The following NPHP4 variants were observed in gnomAD, a reference collection of about 807,000 sequenced individuals.
The protein encoded by NPHP4 is nephrocystin 4.
In NPHP4, 151 loss-of-function variants were observed where a neutral mutation model predicts 155.8. The observed-to-expected ratio is 0.97, with a 90% CI of 0.85 to 1.11. NPHP4 has a LOEUF of 1.11. Ranked by LOEUF, NPHP4 falls within the 50% of genes least tolerant of loss-of-function variation. The pLI is 0.00. For missense variants in NPHP4, 1,956 were observed against 1,925.7 expected (o/e 1.02, Z -0.29); for synonymous variants, 845 against 816.8 (o/e 1.03, Z -0.59).
At chr1:5,978,144 G>T in intron 3 of NPHP4, 126 bp downstream of exon 3, 1 of 843,652 alleles carries the variant, frequency 1.2e-6, no homozygotes, top group Non-Finnish European at 1.9e-6. Flanking sequence ...GTGCTGCCTG[G>T]ACCCACAAGT....
intron 16 of NPHP4, 86 bp downstream of exon 16, chr1:5,904,531 A>G (rs1469911029): frequency 4.8e-6 from 5 of 1,046,260 alleles, no homozygotes; most frequent in Admixed American, 2.6e-5. Context: ...AACTTTTCAT[A>G]GTACCACTTA....
chr1:5,952,604 ACCCACCC>A (rs1648350608), intron 7 of NPHP4, 89 bp downstream of exon 7: 1 of 17,506 alleles, frequency 5.7e-5, no homozygotes, highest in Non-Finnish European at 1.2e-4. Context: ...ACCCTGCCCC[ACCCACCC>A]CTACCCTGCC....
intron 12 of NPHP4, among the ~76,000 whole-genome samples, chr1:5,908,209 T>C (rs1645007531): frequency 6.6e-6 from 1 of 152,140 alleles, no homozygotes; most frequent in African/African-American, 2.4e-5. Context: ...TCAGACCCTA[T>C]ACGGTATCGT....
At chr1:5,887,094 A>C (rs1299837888) in intron 18 of NPHP4, 192 bp downstream of exon 18, 3 of 588,946 alleles carry the variant, frequency 5.1e-6, no homozygotes, top group Non-Finnish European at 9.0e-6. Flanking sequence ...GAAATTCAGA[A>C]TGCAAACAAC....
chr1:5,987,805 T>G (rs1655705492), intron 1 of NPHP4, among the ~76,000 whole-genome samples: 1 of 152,228 alleles, frequency 6.6e-6, no homozygotes, highest in Non-Finnish European at 1.5e-5. Flanking sequence ...GAAGAATGAC[T>G]GAGAGACAAA....
intron 27 of NPHP4, 119 bp from the exon 28 acceptor site, chr1:5,864,636 C>T (rs541214017): frequency 4.5e-5 from 44 of 975,664 alleles, no homozygotes; most frequent in Non-Finnish European, 6.3e-5. Context: ...GGTTCCGGGG[C>T]GGCCAAATCT....
Position 5,863,355 on chromosome 1 carries a change from C to A in NPHP4, c.4191G>T (p.Gln1397His), listed in dbSNP as rs754250483. 8 of 1,613,914 alleles carry A rather than the reference C, an allele frequency of 5.0e-6. No individual in the cohort carries two copies. In the East Asian group the frequency reaches 1.8e-4, roughly 36 times the overall value. ...TCAGGATCTCCTCCTCACCCACTCT[C>A]TGACTAGGCGCAAACTGCAAGCCGA... Reference protein sequence around the residue: ...YTIGLQFAPSQRVGEEEILIY... With the variant: ...YTIGLQFAPSHRVGEEEILIY... The change falls in exon 30 of 30, where the codon CAG (glutamine) becomes CAT (histidine). Residue 1397 changes from glutamine to histidine, a missense_variant. Gln to His is a conservative substitution (Grantham distance 24). Transcript: ENST00000378156.
chr1:5,863,076 G>C lies in NPHP4; in HGVS notation c.*189C>G. ...CCAGGCCTGCTGGGTGTCAGCAGCA[G>C]CTAAGCTGGATGCAGGTACTACAAA... On this transcript the variant is annotated 3_prime_UTR_variant, in exon 30 of 30. Coordinates refer to ENST00000378156, the MANE Select transcript of NPHP4 (RefSeq NM_015102.5). The C allele has an allele frequency of 1.6e-6, 1 of 633,180 alleles. No individual in the cohort carries two copies. The highest frequency in any genetic ancestry group is 2.8e-6 in the Non-Finnish European group (1 of 355,976). 39.2% of individuals were successfully genotyped at this position (633,180 alleles called of 1,614,324 possible). A position where few individuals can be genotyped will look rare whatever the true frequency, so the allele number is the denominator to read the frequency against.
intron 11 of NPHP4, among the ~76,000 whole-genome samples, chr1:5,924,234 G>A (rs549362913): frequency 1.1e-4 from 17 of 152,114 alleles, no homozygotes; most frequent in African/African-American, 3.9e-4. Context: ...GAGTATCAGC[G>A]AGCTGTGAGG....
chr1:5,983,326 C>A (rs1655005577), intron 2 of NPHP4, among the ~76,000 whole-genome samples: 1 of 152,134 alleles, frequency 6.6e-6, no homozygotes, highest in Non-Finnish European at 1.5e-5. Flanking sequence ...TTGCTGGAGT[C>A]TGGGAACTTA....
chr1:5,903,205 T>C (rs769484306), intron 16 of NPHP4, among the ~76,000 whole-genome samples: 1 of 152,256 alleles, frequency 6.6e-6, no homozygotes, highest in Non-Finnish European at 1.5e-5. Flanking sequence ...ATTGTGGAGG[T>C]TTGCCAATTT....
At chr1:5,985,109 C>T (rs909090978) in intron 2 of NPHP4, among the ~76,000 whole-genome samples, 6 of 152,338 alleles carry the variant, frequency 3.9e-5, no homozygotes, top group Non-Finnish European at 8.8e-5. Context: ...AATCCAAGGG[C>T]TTGGAATTGA....
chr1:5,982,626 T>C (rs770214719), intron 2 of NPHP4, among the ~76,000 whole-genome samples: 33 of 152,250 alleles, frequency 2.2e-4, no homozygotes, highest in Non-Finnish European at 3.5e-4. Context: ...TTTAGGTTGT[T>C]AAGGAGGAAA....
intron 18 of NPHP4, among the ~76,000 whole-genome samples, chr1:5,884,702 G>T (rs1643615881): frequency 1.8e-5 from 2 of 108,120 alleles, no homozygotes; most frequent in African/African-American, 7.6e-5. Context: ...CCACAACCAA[G>T]ATCACTGCCC....
intron 9 of NPHP4, among the ~76,000 whole-genome samples, chr1:5,938,686 C>A (rs776079639): frequency 6.6e-6 from 1 of 152,260 alleles, no homozygotes; most frequent in Non-Finnish European, 1.5e-5. Context: ...GCGCAGCTGG[C>A]TGCCAGCACT....
intron 12 of NPHP4, among the ~76,000 whole-genome samples, chr1:5,908,899 T>C (rs536647675): frequency 2.6e-4 from 39 of 152,158 alleles, no homozygotes; most frequent in Admixed American, 2.1e-3. Flanking sequence ...GCCAGGGAGA[T>C]GTGGAGACGC....
intron 3 of NPHP4, among the ~76,000 whole-genome samples, chr1:5,974,227 TC>T (rs1292391395): frequency 6.6e-6 from 1 of 152,216 alleles, no homozygotes; most frequent in African/African-American, 2.4e-5. Context: ...ATCACCTGCA[TC>T]CCTCTACCAG....
intron 9 of NPHP4, among the ~76,000 whole-genome samples, chr1:5,938,041 G>C (rs1047657504): frequency 6.6e-6 from 1 of 152,216 alleles, no homozygotes; most frequent in Non-Finnish European, 1.5e-5. Context: ...CCACCATACA[G>C]GCGCAGGAAA....
chr1:5,943,624 G>A (rs1646937342), intron 9 of NPHP4, among the ~76,000 whole-genome samples: 1 of 152,240 alleles, frequency 6.6e-6, no homozygotes, highest in South Asian at 2.1e-4. Flanking sequence ...GCCACTGCCA[G>A]GGAACAACAG....
Sources: gnomAD v4.1 joint callset for allele counts (sites outside exome capture counted in the v4.1 genomes callset) on GRCh38, gnomAD v4.1.1 for gene constraint, MANE v1.5 for transcripts, NCBI Gene and HGNC (gene_info 2026-07-23, HGNC 2026-07-21) for gene names.